TPST1: variants seen among roughly 807,000 people sequenced by gnomAD.
TPST1 encodes the protein tyrosylprotein sulfotransferase 1, also known as protein-tyrosine sulfotransferase 1.
Under a neutral mutation model 34.8 loss-of-function variants are expected in TPST1, and 20 were observed. The observed-to-expected ratio is 0.57, with a 90% confidence interval of 0.40 to 0.84. The LOEUF (loss-of-function observed/expected upper bound fraction) is 0.84, where lower values mean the gene tolerates loss of function less well. TPST1 is among the 40% of genes least tolerant of loss of function. The pLI is 0.00. For missense variants in TPST1, 353 were observed against 455.5 expected (o/e 0.78, Z 2.05); for synonymous variants, 152 against 159.4 (o/e 0.95, Z 0.35).
rs1318122408 is a variant in TPST1 at position 66,235,790 on chromosome 7, TGTAAGAA to T, written c.-101-4531_-101-4525del. On this transcript the variant is annotated intron_variant, in intron 1 of 5. Coordinates refer to ENST00000304842, the MANE Select transcript of TPST1 (RefSeq NM_003596.4). Reference sequence around the variant, plus strand: ...GAGACATGAGACATCAATCAATATATGTAAGAAGTACATTGGTTCCGTTTGGAAAGGT... The same window carrying T: ...GAGACATGAGACATCAATCAATATATGTACATTGGTTCCGTTTGGAAAGGT... Among the ~76,000 whole-genome samples the T allele has an allele frequency of 2.3e-3, 348 of 152,278 alleles. 5 individuals are homozygous for T. The highest frequency in any genetic ancestry group is 1.9e-3 in the East Asian group (10 of 5,180).
intron 2 of TPST1, among the ~76,000 whole-genome samples, chr7:66,273,532 A>G (rs1179390379): frequency 6.6e-6 from 1 of 152,216 alleles, no homozygotes; most frequent in Non-Finnish European, 1.5e-5. Context: ...AATATACTGT[A>G]AAGCTATAGT....
chr7:66,277,603 A>T (rs1401458571), intron 2 of TPST1, among the ~76,000 whole-genome samples: 2 of 152,092 alleles, frequency 1.3e-5, no homozygotes, highest in African/African-American at 4.8e-5. Flanking sequence ...TATTTGGATG[A>T]TCTCATCAAA....
chr7:66,284,953 T>G (rs1439866915), intron 2 of TPST1, among the ~76,000 whole-genome samples: 2 of 152,180 alleles, frequency 1.3e-5, no homozygotes, highest in African/African-American at 2.4e-5. Flanking sequence ...CTGACCCCAC[T>G]TGCCTCATTC....
chr7:66,286,495 A>C lies in TPST1; in HGVS notation c.846-16A>C. 1.3e-6 allele frequency: 2 copies of C among 1,523,988 alleles called. No individual in the cohort carries two copies. The highest frequency in any genetic ancestry group is 1.8e-6 in the Non-Finnish European group (2 of 1,135,748). 94.4% of individuals were successfully genotyped at this position (1,523,988 alleles called of 1,614,324 possible). On this transcript the variant is annotated splice_polypyrimidine_tract_variant and intron_variant, in intron 2 of 5. Coordinates refer to ENST00000304842, the MANE Select transcript of TPST1 (RefSeq NM_003596.4). ...AAATTTTAAATAAATATTTATTCAT[A>C]TTATGTTGTTTTCAGAGTGGAGAGA... is the stretch of plus-strand genomic sequence containing the variant.
At chr7:66,297,976 T>A (rs2173570) in intron 3 of TPST1, among the ~76,000 whole-genome samples, 92,638 of 152,060 alleles carry the variant, frequency 0.61, 28,774 homozygotes, top group African/African-American at 0.73. Context: ...AGAATGACAT[T>A]TACTTTTCTA....
chr7:66,279,506 T>C (rs1285320475), intron 2 of TPST1, among the ~76,000 whole-genome samples: 1 of 152,260 alleles, frequency 6.6e-6, no homozygotes, highest in Non-Finnish European at 1.5e-5. Flanking sequence ...TTCGAACTGC[T>C]GTCCACAGTG....
chr7:66,300,622 A>G (rs942376502), intron 3 of TPST1, among the ~76,000 whole-genome samples: 4 of 152,200 alleles, frequency 2.6e-5, no homozygotes, highest in African/African-American at 7.2e-5. Context: ...TATGGCAGCT[A>G]TAGTCTTAAG....
chr7:66,263,710 A>G (rs2115736690), intron 2 of TPST1, among the ~76,000 whole-genome samples: 1 of 152,316 alleles, frequency 6.6e-6, no homozygotes, highest in African/African-American at 2.4e-5. Context: ...TGCTTGATAA[A>G]TTGATTTATT....
At chr7:66,252,972 C>T (rs950413294) in intron 2 of TPST1, among the ~76,000 whole-genome samples, 1 of 152,110 alleles carries the variant, frequency 6.6e-6, no homozygotes, top group South Asian at 2.1e-4. Flanking sequence ...TATGGAAATA[C>T]AGTCAGTACT....
chr7:66,251,908 T>C (rs1164463332), intron 2 of TPST1, among the ~76,000 whole-genome samples: 5 of 152,238 alleles, frequency 3.3e-5, no homozygotes, highest in East Asian at 3.9e-4. Context: ...ATATAGATTA[T>C]TTATACATTT....
chr7:66,304,160 C>T (rs932878957), intron 3 of TPST1, among the ~76,000 whole-genome samples: 1 of 152,112 alleles, frequency 6.6e-6, no homozygotes, highest in African/African-American at 2.4e-5. Context: ...ATACTGGACA[C>T]GTTGTTTACA....
At chr7:66,211,833 G>A (rs1789268328) in intron 1 of TPST1, among the ~76,000 whole-genome samples, 1 of 152,186 alleles carries the variant, frequency 6.6e-6, no homozygotes, top group South Asian at 2.1e-4. Flanking sequence ...GGGCATGGTG[G>A]TGGGTGCCTG....
upstream of TPST1, among the ~76,000 whole-genome samples, chr7:66,201,279 C>A (rs1471549173): frequency 6.6e-6 from 1 of 150,674 alleles, no homozygotes; most frequent in Non-Finnish European, 1.5e-5. Flanking sequence ...CGTGATGGCT[C>A]ATGCCTATAA....
chr7:66,330,108 G>T (rs936620496), intron 3 of TPST1, among the ~76,000 whole-genome samples: 5 of 152,090 alleles, frequency 3.3e-5, no homozygotes, highest in Non-Finnish European at 7.4e-5. Flanking sequence ...ATAAAAGTTG[G>T]AAAAACAAAT....
Position 66,286,671 on chromosome 7 carries a change from G to A in TPST1, c.1006G>A (p.Gly336Arg), listed in dbSNP as rs1316925305. ...CCCATATGCCAACCCACCTAACTAC[G>A]GAAAACCTGATCCCAAAATTATTGA... ...YDPYANPPNY[G>R]KPDPKIIENT... Residue 336 changes from glycine (G) to arginine (R), a missense_variant, in exon 3 of 6, where the codon GGA becomes AGA. Coordinates refer to ENST00000304842, the MANE Select transcript of TPST1 (RefSeq NM_003596.4). 6.3e-6 allele frequency: 10 copies of A among 1,586,282 alleles called. No individual in the cohort carries two copies. The highest frequency in any genetic ancestry group is 2.3e-5 in the East Asian group (1 of 43,002).
chr7:66,303,549 A>T (rs1420581273), intron 3 of TPST1, among the ~76,000 whole-genome samples: 1 of 152,016 alleles, frequency 6.6e-6, no homozygotes, highest in Non-Finnish European at 1.5e-5. Context: ...AGCTGGTGTT[A>T]CAGGTGCATG....
At chr7:66,253,098 T>C (rs1451936674) in intron 2 of TPST1, among the ~76,000 whole-genome samples, 2 of 152,216 alleles carry the variant, frequency 1.3e-5, no homozygotes, top group Non-Finnish European at 2.9e-5. Context: ...ATGTGCTGAA[T>C]ACTACATTGA....
chr7:66,314,186 A>C (rs561897044), intron 3 of TPST1, among the ~76,000 whole-genome samples: 1 of 152,296 alleles, frequency 6.6e-6, no homozygotes, highest in Non-Finnish European at 1.5e-5. Flanking sequence ...CTCATGGTAA[A>C]TGTGTTTTTT....
intron 1 of TPST1, 105 bp from the exon 2 acceptor site, chr7:66,240,220 G>A (rs1789999902): frequency 3.1e-6 from 2 of 650,024 alleles, no homozygotes; most frequent in South Asian, 4.2e-5. Flanking sequence ...AAGAATCCAA[G>A]ACTGTTTCAG....
Sources: gnomAD v4.1 joint callset for allele counts (sites outside exome capture counted in the v4.1 genomes callset) on GRCh38, gnomAD v4.1.1 for gene constraint, MANE v1.5 for transcripts, NCBI Gene and HGNC (gene_info 2026-07-23, HGNC 2026-07-21) for gene names.